The following GPR155 variants were observed in gnomAD, a reference collection of about 807,000 sequenced individuals.
The protein encoded by GPR155 is lysosomal cholesterol signaling protein.
In GPR155, 65 loss-of-function variants were observed where a neutral mutation model predicts 93.1. The observed-to-expected ratio is 0.70, with a 90% CI of 0.57 to 0.86. The LOEUF is 0.86. Among genes scored for constraint, GPR155 ranks in the 40% least tolerant of loss-of-function variants. The pLI is 0.00. For synonymous variants in GPR155, 319 were observed against 360.1 expected (o/e 0.89, Z 1.29); for missense variants, 838 against 1,034.8 (o/e 0.81, Z 2.61).
At chr2:174,468,526 T>C (rs1687903803) in intron 5 of GPR155, among the ~76,000 whole-genome samples, 1 of 152,226 alleles carries the variant, frequency 6.6e-6, no homozygotes, top group African/African-American at 2.4e-5. Flanking sequence ...GATTCATCAT[T>C]TGCAGAATGC....
At chr2:174,465,470 C>T (rs574302578) in intron 7 of GPR155, among the ~76,000 whole-genome samples, 23 of 152,176 alleles carry the variant, frequency 1.5e-4, no homozygotes, top group Non-Finnish European at 2.8e-4. Flanking sequence ...TTTCCCATTC[C>T]CGCCTTTCTC....
At chr2:174,449,604 G>A (rs1484338963) in intron 11 of GPR155, among the ~76,000 whole-genome samples, 2 of 152,200 alleles carry the variant, frequency 1.3e-5, no homozygotes, top group African/African-American at 4.8e-5. Flanking sequence ...CAGAACTTTG[G>A]GAGGACAAGG....
At chr2:174,441,646 T>C (rs1686964042) in intron 14 of GPR155, among the ~76,000 whole-genome samples, 1 of 152,076 alleles carries the variant, frequency 6.6e-6, no homozygotes, top group South Asian at 2.1e-4. Flanking sequence ...AGTGTTCTCA[T>C]TGTTCAGTTG....
chr2:174,471,016 GAA>G (rs560413466), intron 3 of GPR155, among the ~76,000 whole-genome samples: 15 of 100,704 alleles, frequency 1.5e-4, no homozygotes, highest in South Asian at 3.4e-4. Context: ...CTCCTGTTTT[GAA>G]AAAAAAAAAA....
chr2:174,472,382 G>T (rs1005743024), intron 3 of GPR155, among the ~76,000 whole-genome samples: 1 of 152,206 alleles, frequency 6.6e-6, no homozygotes, highest in African/African-American at 2.4e-5. Context: ...CTCCAGTCTA[G>T]TTGACAGAGC....
chr2:174,446,375 A>T (rs1469891533), intron 12 of GPR155, among the ~76,000 whole-genome samples: 1 of 152,050 alleles, frequency 6.6e-6, no homozygotes, highest in Non-Finnish European at 1.5e-5. Context: ...AGAGCATAGA[A>T]TGAATAAATG....
intron 11 of GPR155, among the ~76,000 whole-genome samples, chr2:174,449,451 A>T (rs1687253905): frequency 6.6e-6 from 1 of 152,234 alleles, no homozygotes; most frequent in South Asian, 2.1e-4. Context: ...AGCACTACTC[A>T]CAACAGCAAA....
At chr2:174,485,016 T>A (rs191697843) in intron 1 of GPR155, among the ~76,000 whole-genome samples, 1 of 152,220 alleles carries the variant, frequency 6.6e-6, no homozygotes, top group Non-Finnish European at 1.5e-5. Context: ...TATTAGGAAC[T>A]GTTGTCTTAC....
Position 174,481,692 on chromosome 2 carries a change from T to C in GPR155, c.265A>G (p.Asn89Asp), listed in dbSNP as rs1688325865. Residue 89 changes from asparagine to aspartate, a missense_variant, in exon 2 of 16, where the codon AAC becomes GAC. Transcript: ENST00000392552. Reference sequence around the variant, plus strand: ...TTGGAAAAATTAAGTACAACCATGTTTTTGAATAATAAAGCTGGAAGTGCA... The same window carrying C: ...TTGGAAAAATTAAGTACAACCATGTCTTTGAATAATAAAGCTGGAAGTGCA... ...RFALPALLFK[N>D]MVVLNFSNVD... 6.2e-7 allele frequency: 1 copy of C among 1,614,026 alleles called. No individual in the cohort carries two copies. Among genetic ancestry groups the C allele is most frequent in the South Asian group, 1.1e-5 (1 of 91,080 alleles).
At chr2:174,452,950 A>C (rs899810527) in intron 11 of GPR155, among the ~76,000 whole-genome samples, 4 of 152,198 alleles carry the variant, frequency 2.6e-5, no homozygotes, top group Admixed American at 6.5e-5. Context: ...TTGTCTGGCC[A>C]AGAGGTTATT....
chr2:174,440,049 T>G lies in GPR155; in HGVS notation c.2175-14A>C, dbSNP rs1182887323. ...AGGAATTCAAGTCTGAAAATCAAAT[T>G]TATGGCCATTTTTAAGGACAGAAAA... On this transcript the variant is annotated splice_polypyrimidine_tract_variant and intron_variant, in intron 14 of 15. Coordinates refer to ENST00000392552, the MANE Select transcript of GPR155 (RefSeq NM_152529.7). 2 of 1,602,662 alleles carry G rather than the reference T, an allele frequency of 1.2e-6. No homozygotes were observed. The highest frequency in any genetic ancestry group is 1.7e-5 in the Admixed American group (1 of 57,888).
intron 5 of GPR155, 29 bp from the exon 6 acceptor site, chr2:174,466,656 C>A: frequency 2.6e-6 from 3 of 1,170,360 alleles, no homozygotes; most frequent in South Asian, 2.6e-5. Flanking sequence ...AAAAGTTATT[C>A]ATGTTTCTTA....
intron 4 of GPR155, among the ~76,000 whole-genome samples, chr2:174,469,431 A>G (rs1647218118): frequency 6.6e-6 from 1 of 152,254 alleles, no homozygotes; most frequent in Non-Finnish European, 1.5e-5. Context: ...ATTCAAAAAA[A>G]GAAAATTACC....
At chr2:174,438,679 G>C (rs1357963253) in intron 15 of GPR155, among the ~76,000 whole-genome samples, 2 of 151,962 alleles carry the variant, frequency 1.3e-5, no homozygotes, top group Non-Finnish European at 2.9e-5. Flanking sequence ...GGCTAGTTTT[G>C]TATTTTTAGT....
chr2:174,474,459 T>G (rs1379970651), intron 2 of GPR155, among the ~76,000 whole-genome samples: 1 of 152,196 alleles, frequency 6.6e-6, no homozygotes, highest in Non-Finnish European at 1.5e-5. Context: ...TCAATGCACA[T>G]TTAGTTAACA....
intron 5 of GPR155, among the ~76,000 whole-genome samples, chr2:174,468,449 C>T (rs1021830422): frequency 4.6e-5 from 7 of 152,090 alleles, no homozygotes; most frequent in Admixed American, 2.6e-4. Flanking sequence ...ATTAAATAGG[C>T]GGTTGGACTT....
rs1686658336 is a variant in GPR155 at position 174,432,087 on chromosome 2, A to C, written c.*4029T>G. ...ACTCATTCATAAAAGTGTTTATAGA[A>C]TGCGTAATTGGGAAACCCTGTTTGC... On this transcript the variant is annotated 3_prime_UTR_variant, in exon 16 of 16. Coordinates refer to ENST00000392552, the MANE Select transcript of GPR155 (RefSeq NM_152529.7). The C allele has an allele frequency of 4.6e-5, 7 of 152,424 alleles. No individual in the cohort carries two copies. The highest frequency in any genetic ancestry group is 4.6e-4 in the Admixed American group (7 of 15,286). 9.4% of individuals were successfully genotyped at this position (152,424 alleles called of 1,614,324 possible).
chr2:174,440,842 A>T (rs948758099), intron 14 of GPR155, among the ~76,000 whole-genome samples: 3 of 152,168 alleles, frequency 2.0e-5, no homozygotes, highest in African/African-American at 7.2e-5. Context: ...ATTCAAAGAA[A>T]CCCTTCACTA....
intron 10 of GPR155, among the ~76,000 whole-genome samples, chr2:174,459,150 GGTGGGCCAGATTTGGCCTAT>G (rs1687607337): frequency 6.6e-6 from 1 of 152,124 alleles, no homozygotes; most frequent in African/African-American, 2.4e-5. Flanking sequence ...AAAAACAGGT[GGTGGGCCAGATTTGGCCTAT>G]GGACTATAGT....
Sources: allele counts gnomAD v4.1 joint callset (sites outside exome capture counted in the v4.1 genomes callset), GRCh38; gene constraint gnomAD v4.1.1; transcripts MANE v1.5; gene names NCBI Gene and HGNC (gene_info 2026-07-23, HGNC 2026-07-21).